The following HHAT variants were observed in gnomAD, a reference collection of about 807,000 sequenced individuals.
The protein encoded by HHAT is hedgehog acyltransferase.
Under a neutral mutation model 70.8 loss-of-function variants are expected in HHAT, and 47 were observed. The ratio of observed to expected loss-of-function variants is 0.66; its 90% CI spans 0.53 to 0.85. The LOEUF (loss-of-function observed/expected upper bound fraction) is 0.85. Ranked by LOEUF, HHAT falls within the 40% of genes least tolerant of loss-of-function variation. The pLI is 0.00. For missense variants in HHAT, 609 were observed against 604.8 expected, an observed-to-expected ratio of 1.01 and a Z score of -0.07; for synonymous variants, 228 against 247.6, an observed-to-expected ratio of 0.92 and a Z score of 0.74.
chr1:210,637,877 G>GGGC (rs1672203253), intron 11 of HHAT, among the ~76,000 whole-genome samples: 1 of 149,894 alleles, frequency 6.7e-6, no homozygotes, highest in Admixed American at 6.7e-5. Context: ...AAAAAGGGGG[G>GGGC]GGCAAAGGAC....
intron 3 of HHAT, chr1:210,374,268 A>AC (rs1291752196): frequency 1.6e-5 from 1 of 60,868 alleles, no homozygotes; most frequent in African/African-American, 1.3e-4. Context: ...AAACCAGTGT[A>AC]ATGCTACAAA....
chr1:210,511,780 CT>C (rs201825628), intron 8 of HHAT, among the ~76,000 whole-genome samples: 3,554 of 87,450 alleles, frequency 0.041, 19 homozygotes, highest in Non-Finnish European at 0.059. Flanking sequence ...GCCGCCTGGT[CT>C]TTTTTTTTTT....
At chr1:210,342,037 G>A (rs763741021) in intron 1 of HHAT, among the ~76,000 whole-genome samples, 21 of 152,006 alleles carry the variant, frequency 1.4e-4, no homozygotes, top group Non-Finnish European at 2.6e-4. Context: ...TACAGCTTTG[G>A]AGTTGCTGTT....
chr1:210,398,719 T>G (rs759168370), intron 4 of HHAT, among the ~76,000 whole-genome samples: 5 of 152,216 alleles, frequency 3.3e-5, no homozygotes, highest in Non-Finnish European at 7.3e-5. Flanking sequence ...TGGTAAATGC[T>G]GTAGGTCATG....
rs186206980 is a variant in HHAT, at chr1:210,435,702, T to C, written c.856+17377T>C. The stretch of plus-strand genomic sequence containing the variant: ...ATCTCATTGTGGCTTTGATTTGCAT[T>C]TCTGTAATGATTAGTTATGTTGAAC... On this transcript the variant is annotated intron_variant, in intron 7 of 11. Coordinates refer to ENST00000261458, the MANE Select transcript of HHAT (RefSeq NM_018194.6). 2.9e-3 allele frequency among the ~76,000 whole-genome samples: 437 copies of C among 148,386 alleles called. 11 individuals are homozygous for C. The highest frequency in any genetic ancestry group is 0.011 in the African/African-American group (425 of 37,948).
intron 9 of HHAT, among the ~76,000 whole-genome samples, chr1:210,555,944 C>T (rs1311192687): frequency 6.6e-6 from 1 of 152,106 alleles, no homozygotes; most frequent in African/African-American, 2.4e-5. Context: ...TTATTAATGT[C>T]GATGTTTGGA....
chr1:210,462,437 C>T (rs1024767058), intron 7 of HHAT: 1 of 152,234 alleles, frequency 6.6e-6, no homozygotes, highest in Non-Finnish European at 1.5e-5. Context: ...ATTGCCATCT[C>T]AGCCAGTGAA....
chr1:210,628,928 C>T (rs1670354913), intron 11 of HHAT, among the ~76,000 whole-genome samples: 1 of 152,206 alleles, frequency 6.6e-6, no homozygotes, highest in African/African-American at 2.4e-5. Flanking sequence ...GTCGGTGTCT[C>T]AGAGGCCATC....
rs146049625 is a variant in HHAT at position 210,605,332 on chromosome 1, C to T, written c.1245+17233C>T. Among the ~76,000 whole-genome samples, 224 of 152,268 alleles carry T rather than the reference C, an allele frequency of 1.5e-3. 1 individual carries two copies. Among genetic ancestry groups the T allele is most frequent in the Non-Finnish European group, 2.6e-3 (179 of 68,010 alleles). On this transcript the variant is annotated intron_variant, in intron 10 of 11. Transcript: ENST00000261458. ...CCCAGTTATACATGATCTAAGCTTCCTGGATTTCAGACTAGAAGAATCTTC... is the reference window on the plus strand; with the variant it reads ...CCCAGTTATACATGATCTAAGCTTCTTGGATTTCAGACTAGAAGAATCTTC...
intron 8 of HHAT, among the ~76,000 whole-genome samples, chr1:210,490,451 A>T (rs889289456): frequency 6.6e-6 from 1 of 152,200 alleles, no homozygotes; most frequent in Non-Finnish European, 1.5e-5. Flanking sequence ...GACCTTACTT[A>T]GACTTGGTTC....
At chr1:210,535,361 T>C (rs1165596402) in intron 9 of HHAT, among the ~76,000 whole-genome samples, 1 of 152,148 alleles carries the variant, frequency 6.6e-6, no homozygotes, top group Non-Finnish European at 1.5e-5. Context: ...TAAGGTTGAT[T>C]ACTAGCCTGT....
chr1:210,421,021 G>A (rs910984356), intron 7 of HHAT, among the ~76,000 whole-genome samples: 1 of 152,050 alleles, frequency 6.6e-6, no homozygotes, highest in African/African-American at 2.4e-5. Context: ...TCGGCAGTGT[G>A]TTTCCATTGC....
intron 3 of HHAT, among the ~76,000 whole-genome samples, chr1:210,384,730 GA>G (rs1446956830): frequency 6.6e-6 from 1 of 152,162 alleles, no homozygotes; most frequent in Non-Finnish European, 1.5e-5. Context: ...ATGGAGGCAA[GA>G]AAGAAAATGG....
intron 2 of HHAT, among the ~76,000 whole-genome samples, chr1:210,361,677 T>G (rs1231884383): frequency 6.6e-6 from 1 of 152,112 alleles, no homozygotes; most frequent in African/African-American, 2.4e-5. Context: ...CTTGAGGTTT[T>G]TATACTTTTG....
intron 4 of HHAT, among the ~76,000 whole-genome samples, chr1:210,394,352 G>A (rs2091655673): frequency 6.7e-6 from 1 of 148,310 alleles, no homozygotes; most frequent in African/African-American, 2.5e-5. Flanking sequence ...TTGGGTTTTG[G>A]TGAGACTTCA....
intron 9 of HHAT, among the ~76,000 whole-genome samples, chr1:210,544,213 A>AGG (rs79694801): frequency 0.067 from 10,149 of 152,186 alleles, 655 homozygotes; most frequent in East Asian, 0.3. Context: ...CGCCACTGGG[A>AGG]GGGGATGTAG....
At chr1:210,346,441 A>G (rs1014416471) in intron 1 of HHAT, among the ~76,000 whole-genome samples, 7 of 152,366 alleles carry the variant, frequency 4.6e-5, no homozygotes, top group African/African-American at 1.2e-4. Flanking sequence ...TTGTTATTCT[A>G]AAGATGAAAG....
intron 1 of HHAT, among the ~76,000 whole-genome samples, chr1:210,345,126 C>A (rs1428543476): frequency 2.6e-5 from 4 of 152,096 alleles, no homozygotes; most frequent in African/African-American, 9.7e-5. Context: ...AAGTGGTGAG[C>A]AGCTGAACCT....
At chr1:210,369,977 T>G (rs1277543948) in intron 3 of HHAT, among the ~76,000 whole-genome samples, 2 of 151,938 alleles carry the variant, frequency 1.3e-5, no homozygotes, top group African/African-American at 4.8e-5. Context: ...GGGTTTCAGG[T>G]GCCATTTGTT....
Sources: allele counts gnomAD v4.1 joint callset (sites outside exome capture counted in the v4.1 genomes callset), GRCh38; gene constraint gnomAD v4.1.1; transcripts MANE v1.5; gene names NCBI Gene and HGNC (gene_info 2026-07-23, HGNC 2026-07-21).